The following GALNTL6 variants were observed in gnomAD, a reference collection of about 807,000 sequenced individuals.
GALNTL6 encodes polypeptide N-acetylgalactosaminyltransferase-like 6.
In GALNTL6, 46 loss-of-function variants were observed where a neutral mutation model predicts 73.7. The observed-to-expected ratio is 0.62, with a 90% CI of 0.49 to 0.80. The LOEUF (loss-of-function observed/expected upper bound fraction) is 0.80, where lower values mean the gene tolerates loss of function less well. Ranked by LOEUF, GALNTL6 falls within the 30% of genes least tolerant of loss-of-function variation. The pLI is 0.00. For synonymous variants in GALNTL6, 259 were observed against 263.7 expected (o/e 0.98, Z 0.17); for missense variants, 604 against 755.0 (o/e 0.80, Z 2.34).
chr4:172,107,883 C>G (rs1732729477), intron 2 of GALNTL6, among the ~76,000 whole-genome samples: 1 of 152,030 alleles, frequency 6.6e-6, no homozygotes, highest in Non-Finnish European at 1.5e-5. Context: ...TTAATCATTT[C>G]TAAGTAAATT....
chr4:172,852,760 T>C (rs1290769892), intron 7 of GALNTL6, among the ~76,000 whole-genome samples: 1 of 152,186 alleles, frequency 6.6e-6, no homozygotes, highest in African/African-American at 2.4e-5. Flanking sequence ...GGTATTGTAA[T>C]GGAGTTATAG....
intron 5 of GALNTL6, among the ~76,000 whole-genome samples, chr4:172,480,209 A>T (rs1050100697): frequency 2.6e-5 from 4 of 151,970 alleles, no homozygotes; most frequent in Non-Finnish European, 2.9e-5. Flanking sequence ...TGAGAAGCTG[A>T]GACAGGAGGA....
At chr4:172,772,282 T>C (rs1429850677) in intron 5 of GALNTL6, among the ~76,000 whole-genome samples, 5 of 152,182 alleles carry the variant, frequency 3.3e-5, no homozygotes, top group Non-Finnish European at 7.3e-5. Context: ...TAATTATTTG[T>C]AATGTATTAA....
chr4:172,704,098 A>G (rs985844738), intron 5 of GALNTL6, among the ~76,000 whole-genome samples: 2 of 151,312 alleles, frequency 1.3e-5, no homozygotes, highest in Admixed American at 1.3e-4. Flanking sequence ...TTTTCTTAGT[A>G]CTCTAGCTAA....
intron 5 of GALNTL6, among the ~76,000 whole-genome samples, chr4:172,639,513 A>C (rs974694331): frequency 8.5e-5 from 13 of 152,152 alleles, no homozygotes; most frequent in African/African-American, 3.1e-4. Context: ...AAAATACATA[A>C]GCAAATTAAC....
At chr4:171,843,026 C>T (rs907710476) in intron 2 of GALNTL6, among the ~76,000 whole-genome samples, 4 of 152,080 alleles carry the variant, frequency 2.6e-5, no homozygotes, top group African/African-American at 7.2e-5. Context: ...CTAGTTAGAT[C>T]GTGCACTTTT....
At chr4:172,091,445 G>C (rs1438240646) in intron 2 of GALNTL6, among the ~76,000 whole-genome samples, 4 of 152,108 alleles carry the variant, frequency 2.6e-5, no homozygotes, top group Non-Finnish European at 5.9e-5. Flanking sequence ...TCCTGGGCCT[G>C]CCAGGAAGTG....
intron 3 of GALNTL6, among the ~76,000 whole-genome samples, chr4:172,241,285 G>A (rs1737426034): frequency 6.6e-6 from 1 of 152,076 alleles, no homozygotes; most frequent in African/African-American, 2.4e-5. Flanking sequence ...TTAATAAATA[G>A]GTGGTATACG....
intron 5 of GALNTL6, among the ~76,000 whole-genome samples, chr4:172,371,710 T>G (rs947899299): frequency 3.9e-5 from 6 of 152,234 alleles, no homozygotes; most frequent in South Asian, 2.1e-4. Flanking sequence ...TTTGACTTTC[T>G]GTCTCTTTCT....
At chr4:172,671,303 G>T (rs964947189) in intron 5 of GALNTL6, among the ~76,000 whole-genome samples, 1 of 152,080 alleles carries the variant, frequency 6.6e-6, no homozygotes, top group Admixed American at 6.6e-5. Flanking sequence ...TTTTCCATTT[G>T]TTTGTGTTAT....
chr4:171,879,646 T>G (rs548063661), intron 2 of GALNTL6, among the ~76,000 whole-genome samples: 30 of 152,220 alleles, frequency 2.0e-4, no homozygotes, highest in Non-Finnish European at 3.7e-4. Context: ...ATCATATTTC[T>G]TGTTTAAAAA....
At chr4:172,688,843 AT>A (rs1287973180) in intron 5 of GALNTL6, among the ~76,000 whole-genome samples, 1 of 152,072 alleles carries the variant, frequency 6.6e-6, no homozygotes, top group Non-Finnish European at 1.5e-5. Flanking sequence ...CTTAAAAGGC[AT>A]TTCTTTTTAT....
chr4:173,003,238 C>G (rs776743132), intron 10 of GALNTL6, among the ~76,000 whole-genome samples: 25 of 152,082 alleles, frequency 1.6e-4, no homozygotes, highest in Admixed American at 3.9e-4. Flanking sequence ...GTACCTAGGA[C>G]TAGAATCAGC....
intron 2 of GALNTL6, among the ~76,000 whole-genome samples, chr4:172,228,074 C>A (rs1736927078): frequency 6.6e-6 from 1 of 152,148 alleles, no homozygotes; most frequent in East Asian, 1.9e-4. Context: ...TCATTTGATT[C>A]TTTAATACTT....
At chr4:172,149,009 A>G (rs1430968406) in intron 2 of GALNTL6, among the ~76,000 whole-genome samples, 2 of 152,152 alleles carry the variant, frequency 1.3e-5, no homozygotes, top group African/African-American at 4.8e-5. Context: ...TCAATAGTCA[A>G]CAGCTCATGT....
chr4:172,799,430 T>A (rs534744710), intron 5 of GALNTL6, among the ~76,000 whole-genome samples: 2 of 152,352 alleles, frequency 1.3e-5, no homozygotes, highest in East Asian at 3.9e-4. Context: ...AGCTACTATG[T>A]TCTATATTGA....
At chr4:172,975,112 T>A (rs1158210451) in intron 10 of GALNTL6, among the ~76,000 whole-genome samples, 1 of 152,198 alleles carries the variant, frequency 6.6e-6, no homozygotes, top group Admixed American at 6.5e-5. Context: ...TTTAGTCCCA[T>A]CTTTTGGCAG....
At chr4:172,618,800 T>G (rs909867597) in intron 5 of GALNTL6, among the ~76,000 whole-genome samples, 2 of 152,172 alleles carry the variant, frequency 1.3e-5, no homozygotes, top group Non-Finnish European at 2.9e-5. Flanking sequence ...CACGGTTCAC[T>G]GCAATCTCTG....
intron 5 of GALNTL6, among the ~76,000 whole-genome samples, chr4:172,561,421 T>G (rs1484769506): frequency 6.6e-6 from 1 of 152,184 alleles, no homozygotes; most frequent in Non-Finnish European, 1.5e-5. Flanking sequence ...AGAGCATACA[T>G]GTTTAAGAAG....
Sources: gnomAD v4.1 joint callset for allele counts (sites outside exome capture counted in the v4.1 genomes callset) on GRCh38, gnomAD v4.1.1 for gene constraint, MANE v1.5 for transcripts, NCBI Gene and HGNC (gene_info 2026-07-23, HGNC 2026-07-21) for gene names.